The following FAM135B variants were observed in gnomAD, a reference collection of about 807,000 sequenced individuals.
FAM135B encodes the protein family with sequence similarity 135 member B.
In FAM135B, 43 loss-of-function variants were observed where a neutral mutation model predicts 127.7. The ratio of observed to expected loss-of-function variants is 0.34; its 90% CI spans 0.26 to 0.43. The LOEUF is 0.43. Among genes scored for constraint, FAM135B ranks in the 20% least tolerant of loss-of-function variants. The pLI, the probability that FAM135B is intolerant of heterozygous loss-of-function variation, is 1.00. For missense variants in FAM135B, 1,558 were observed against 1,725.6 expected, an observed-to-expected ratio of 0.90 and a Z score of 1.72; for synonymous variants, 670 against 665.1, an observed-to-expected ratio of 1.01 and a Z score of -0.11.
In FAM135B at chr8:138,152,014, T is replaced by C. The variant is rs757929849; in HGVS notation, c.2461A>G (p.Thr821Ala). ...SCSQLCGDSG[T>A]DAGADHPLVE... ...AGGGGATGGTCTGCTCCAGCATCTG[T>C]TCCAGAGTCACCACAAAGTTGAGAG... is the stretch of plus-strand genomic sequence containing the variant. Residue 821 changes from threonine to alanine, a missense_variant, in exon 13 of 20, where the codon ACA becomes GCA. This residue lies in a region of FAM135B where 923 missense variants were observed against 865.3 expected (regional missense o/e 1.07). Coordinates refer to ENST00000395297, the MANE Select transcript of FAM135B (RefSeq NM_015912.4). The C allele has an allele frequency of 6.2e-7, 1 of 1,614,084 alleles. No individual in the cohort carries two copies. Among genetic ancestry groups the C allele is most frequent in the Non-Finnish European group, 8.5e-7 (1 of 1,180,002 alleles).
At chr8:138,444,934 G>A (rs1404843327) in intron 1 of FAM135B, among the ~76,000 whole-genome samples, 1 of 151,874 alleles carries the variant, frequency 6.6e-6, no homozygotes, top group Admixed American at 6.6e-5. Context: ...AAAGAGAGAA[G>A]AATCAAATAG....
intron 1 of FAM135B, among the ~76,000 whole-genome samples, chr8:138,462,982 T>G (rs1837211418): frequency 6.6e-6 from 1 of 152,204 alleles, no homozygotes; most frequent in Non-Finnish European, 1.5e-5. Context: ...TACATTTTCA[T>G]AATAATTGAA....
At chr8:138,263,061 G>C (rs373491325) in intron 4 of FAM135B, among the ~76,000 whole-genome samples, 1 of 152,080 alleles carries the variant, frequency 6.6e-6, no homozygotes, top group East Asian at 1.9e-4. Context: ...GACTGGAGCT[G>C]GGGCCTTTGG....
At chr8:138,466,636 T>C (rs1316295059) in intron 1 of FAM135B, among the ~76,000 whole-genome samples, 1 of 152,200 alleles carries the variant, frequency 6.6e-6, no homozygotes, top group Non-Finnish European at 1.5e-5. Context: ...AATGACGTTG[T>C]GTCTTACAAG....
intron 1 of FAM135B, among the ~76,000 whole-genome samples, chr8:138,373,952 CT>C (rs1202655951): frequency 2.0e-5 from 3 of 152,192 alleles, no homozygotes; most frequent in East Asian, 3.8e-4. Context: ...AATTTCACCC[CT>C]GTCCTGTGGT....
At chr8:138,494,401 G>C (rs891195890) in intron 1 of FAM135B, among the ~76,000 whole-genome samples, 4 of 152,306 alleles carry the variant, frequency 2.6e-5, no homozygotes, top group Middle Eastern at 3.4e-3. Context: ...CAAATCAACA[G>C]AAAGGACAGG....
intron 2 of FAM135B, among the ~76,000 whole-genome samples, chr8:138,340,408 T>A (rs1828961155): frequency 6.6e-6 from 1 of 152,198 alleles, no homozygotes; most frequent in South Asian, 2.1e-4. Context: ...CCTGTTCACA[T>A]GGATATGATT....
At chr8:138,240,602 G>A (rs1820681532) in intron 7 of FAM135B, among the ~76,000 whole-genome samples, 1 of 152,202 alleles carries the variant, frequency 6.6e-6, no homozygotes, top group Non-Finnish European at 1.5e-5. Flanking sequence ...TGGCCCTAGG[G>A]ATGGGGAGCT....
chr8:138,437,089 A>G (rs946759729), intron 1 of FAM135B: 14 of 152,184 alleles, frequency 9.2e-5, no homozygotes, highest in Non-Finnish European at 1.8e-4. Flanking sequence ...CACTGCCATT[A>G]CTGAACTCCC....
At chr8:138,369,642 T>A (rs1304220304) in intron 1 of FAM135B, among the ~76,000 whole-genome samples, 2 of 151,932 alleles carry the variant, frequency 1.3e-5, no homozygotes, top group East Asian at 3.9e-4. Flanking sequence ...GCCATGGAGG[T>A]GCACCCTGGC....
At chr8:138,415,574 A>C (rs1405035300) in intron 1 of FAM135B, among the ~76,000 whole-genome samples, 6 of 152,214 alleles carry the variant, frequency 3.9e-5, no homozygotes, top group Non-Finnish European at 8.8e-5. Flanking sequence ...ATAGGAGGGA[A>C]GCTCAGGTCT....
At chr8:138,192,468 A>C (rs1042651439) in intron 9 of FAM135B, among the ~76,000 whole-genome samples, 4 of 152,246 alleles carry the variant, frequency 2.6e-5, no homozygotes, top group African/African-American at 9.6e-5. Flanking sequence ...TGGAGGCTAC[A>C]AGATTCTGAC....
At chr8:138,481,381 C>T (rs905888825) in intron 1 of FAM135B, among the ~76,000 whole-genome samples, 3 of 152,222 alleles carry the variant, frequency 2.0e-5, no homozygotes, top group African/African-American at 4.8e-5. Context: ...GTGAGTGGCA[C>T]AGTTGAAACT....
intron 1 of FAM135B, among the ~76,000 whole-genome samples, chr8:138,422,408 C>T (rs534915792): frequency 6.6e-6 from 1 of 152,024 alleles, no homozygotes; most frequent in African/African-American, 2.4e-5. Flanking sequence ...CCATAATAAA[C>T]TTTAACCAAC....
chr8:138,330,482 G>A (rs578227782), intron 2 of FAM135B, among the ~76,000 whole-genome samples: 8 of 152,144 alleles, frequency 5.3e-5, no homozygotes, highest in Admixed American at 4.6e-4. Flanking sequence ...CAAAGGCACT[G>A]CCCTTTTCAA....
chr8:138,270,138 C>T (rs1473624232), intron 3 of FAM135B, among the ~76,000 whole-genome samples: 1 of 152,136 alleles, frequency 6.6e-6, no homozygotes, highest in African/African-American at 2.4e-5. Flanking sequence ...CTTCTTGAGA[C>T]TCCCCCAAGG....
At chr8:138,247,228 C>T (rs529187205) in intron 6 of FAM135B, among the ~76,000 whole-genome samples, 69 of 152,242 alleles carry the variant, frequency 4.5e-4, no homozygotes, top group African/African-American at 1.4e-3. Flanking sequence ...TGTTTTGAAA[C>T]GCAAGGGCAT....
At position 138,241,472 on chromosome 8, in the gene FAM135B, T is replaced by C. The variant is rs188269810; in HGVS notation, c.669+1470A>G. On this transcript the variant is annotated intron_variant, in intron 7 of 19. Coordinates refer to ENST00000395297, the MANE Select transcript of FAM135B (RefSeq NM_015912.4). This position sits in a 1 kb window ranked among gnomAD's most constrained non-coding sequence, Gnocchi z 4.8. Reference sequence around the variant, plus strand: ...TTTGCTTCTCAGGACCATAAAATCATGTGACACAGCAGCTTGGACAAGATG... The same window carrying C: ...TTTGCTTCTCAGGACCATAAAATCACGTGACACAGCAGCTTGGACAAGATG... 2.0e-5 allele frequency among the ~76,000 whole-genome samples: 3 copies of C among 152,144 alleles called. No homozygotes were observed. Among genetic ancestry groups the C allele is most frequent in the African/African-American group, 7.2e-5 (3 of 41,424 alleles).
intron 7 of FAM135B, among the ~76,000 whole-genome samples, chr8:138,211,741 C>T (rs1457977720): frequency 1.3e-5 from 2 of 152,142 alleles, no homozygotes; most frequent in Non-Finnish European, 2.9e-5. Context: ...ATATGCAGCA[C>T]TTCTGCAATC....
Sources: gnomAD v4.1 joint callset for allele counts (sites outside exome capture counted in the v4.1 genomes callset) on GRCh38, gnomAD v4.1.1 for gene constraint, gnomAD v4.1.1 regional missense constraint, Gnocchi (gnomAD v3.1) non-coding constraint, MANE v1.5 for transcripts, NCBI Gene and HGNC (gene_info 2026-07-23, HGNC 2026-07-21) for gene names.